The following TOP2A variants were observed in gnomAD, a reference collection of about 807,000 sequenced individuals.
The protein encoded by TOP2A is DNA topoisomerase II alpha.
In TOP2A, 68 loss-of-function variants were observed where a neutral mutation model predicts 187.2. That is an observed-to-expected ratio of 0.36 (90% CI 0.30 to 0.44). The LOEUF is 0.44. Ranked by LOEUF, TOP2A falls within the 20% of genes least tolerant of loss-of-function variation. The pLI is 1.00. For synonymous variants in TOP2A, 542 were observed against 593.2 expected, an observed-to-expected ratio of 0.91 and a Z score of 1.25; for missense variants, 1,196 against 1,808.7, an observed-to-expected ratio of 0.66 and a Z score of 6.14.
intron 24 of TOP2A, 189 bp from the exon 25 acceptor site, chr17:40,399,320 AGT>A (rs1483209229): frequency 6.2e-6 from 3 of 481,482 alleles, no homozygotes; most frequent in Non-Finnish European, 1.1e-5. Flanking sequence ...ACAAGGGGGC[AGT>A]CAAATCATAT....
Position 40,406,889 on chromosome 17 carries a change from G to A in TOP2A, c.1680C>T (p.Asn560=), listed in dbSNP as rs752965302. The part of the protein sequence containing the change: ...KGLLINFIHH[N]WPSLLRHRFL... ...AACGATGTCGCAGAAGAGAGGGCCA[G>A]TTGTGATGGATAAAATTAATCAGCA... is the stretch of plus-strand genomic sequence containing the variant. Residue 560 remains asparagine (N), a synonymous_variant, in exon 14 of 35, where the codon AAC becomes AAT. Transcript: ENST00000423485. The A allele has an allele frequency of 1.9e-6, 3 of 1,607,472 alleles. No homozygotes were observed. In the Admixed American group the frequency reaches 5.1e-5, roughly 27 times the overall value.
intron 33 of TOP2A, 48 bp from the exon 34 acceptor site, chr17:40,390,212 G>A: frequency 6.6e-7 from 1 of 1,516,174 alleles, no homozygotes; most frequent in Non-Finnish European, 8.9e-7. Context: ...TTTTTGAGAT[G>A]GGGTCTCACT....
At chr17:40,414,044 T>C (rs1598620113) in intron 4 of TOP2A, among the ~76,000 whole-genome samples, 1 of 151,916 alleles carries the variant, frequency 6.6e-6, no homozygotes, top group East Asian at 1.9e-4. Context: ...ATTCCTGAAA[T>C]AGGAGTCAAG....
Position 40,389,607 on chromosome 17 carries a change from T to A in TOP2A, c.4508A>T (p.Asp1503Val), listed in dbSNP as rs767915206. 1 of 1,608,756 alleles carries A rather than the reference T, an allele frequency of 6.2e-7. No individual in the cohort carries two copies. The highest frequency in any genetic ancestry group is 2.2e-5 in the East Asian group (1 of 44,826). ...GESDDFHMDF[D>V]SAVAPRAKSV... The stretch of plus-strand genomic sequence containing the variant: ...TTTTGCCCGAGGAGCCACAGCTGAG[T>A]CAAAGTCCATATGGAAGTCATCACT... Residue 1503 changes from aspartate to valine, a missense_variant, in exon 35 of 35, where the codon GAC (aspartate) becomes GTC (valine). Physicochemically the swap from Asp to Val is radical, Grantham distance 152. Around this residue, in one of 10 missense-constraint regions of TOP2A, gnomAD observed 374 missense variants for 403.3 expected, o/e 0.93. Transcript: ENST00000423485.
Position 40,389,638 on chromosome 17 carries a change from C to G in TOP2A, c.4477G>C (p.Gly1493Arg), listed in dbSNP as rs947190282. Residue 1493 changes from glycine to arginine, a missense_variant, in exon 35 of 35, where the codon GGG becomes CGG. Physicochemically the swap from Gly to Arg is moderately radical, Grantham distance 125. This residue lies in a region of TOP2A where 374 missense variants were observed against 403.3 expected (regional missense o/e 0.93). Coordinates refer to ENST00000423485, the MANE Select transcript of TOP2A (RefSeq NM_001067.4). The part of the protein sequence containing the change: ...SKAVTSKKSK[G>R]ESDDFHMDFD... ...TCCATATGGAAGTCATCACTCTCCC[C>G]CTTGGATTTCTAAAAGAGAAAAGCC... The G allele has an allele frequency of 6.2e-7, 1 of 1,608,882 alleles. No individual in the cohort carries two copies. The highest frequency in any genetic ancestry group is 8.5e-7 in the Non-Finnish European group (1 of 1,177,920).
In TOP2A at chr17:40,400,401, T is replaced by G; in HGVS notation, c.2808A>C (p.Lys936Asn). ...TCAACATGGGTTCTAGAACTTGTTC[T>G]TTGTATGTCTAAAGAAAGAAATAAT... is the stretch of plus-strand genomic sequence containing the variant. ...LPVRTWTQTY[K>N]EQVLEPMLNG... The change falls in exon 23 of 35, where the codon AAA becomes AAC. Residue 936 changes from lysine to asparagine, a missense_variant. Physicochemically the swap from Lys to Asn is moderately conservative, Grantham distance 94. Coordinates refer to ENST00000423485, the MANE Select transcript of TOP2A (RefSeq NM_001067.4). 1.2e-6 allele frequency: 2 copies of G among 1,613,360 alleles called. No homozygotes were observed. The highest frequency in any genetic ancestry group is 1.7e-6 in the Non-Finnish European group (2 of 1,179,760).
Position 40,406,867 on chromosome 17 carries a change from G to A in TOP2A, c.1702C>T (p.Arg568Cys), listed in dbSNP as rs771864534. 6.2e-7 allele frequency: 1 copy of A among 1,607,820 alleles called. No individual in the cohort carries two copies. Among genetic ancestry groups the A allele is most frequent in the Non-Finnish European group, 8.5e-7 (1 of 1,176,566 alleles). The change falls in exon 14 of 35, where the codon CGT (arginine) becomes TGT (cysteine). Residue 568 changes from arginine to cysteine, a missense_variant. This residue lies in a region of TOP2A where 209 missense variants were observed against 376.9 expected (regional missense o/e 0.55). Coordinates refer to ENST00000423485, the MANE Select transcript of TOP2A (RefSeq NM_001067.4). ...GGAGTGATAAATTCCTCCAGAAAAC[G>A]ATGTCGCAGAAGAGAGGGCCAGTTG... ...HHNWPSLLRH[R>C]FLEEFITPIV...
At chr17:40,391,378 G>A (rs2035020301) in intron 33 of TOP2A, 128 bp downstream of exon 33, 1 of 935,606 alleles carries the variant, frequency 1.1e-6, no homozygotes, top group South Asian at 1.9e-5. Flanking sequence ...AAAAGAAATT[G>A]CTTCCAATTG....
At chr17:40,399,204 G>C (rs1249271675) in intron 24 of TOP2A, 73 bp from the exon 25 acceptor site, 4 of 1,095,586 alleles carry the variant, frequency 3.7e-6, no homozygotes, top group Non-Finnish European at 5.3e-6. Flanking sequence ...TTTTACACAA[G>C]TCAAAAGTTT....
chr17:40,416,580 A>G lies in TOP2A; in HGVS notation c.178-68T>C, dbSNP rs1372650649. 1.1e-5 allele frequency: 16 copies of G among 1,445,642 alleles called. No homozygotes were observed. The Admixed American group carries it at 2.7e-4, about 24-fold the overall frequency. 89.6% of individuals were successfully genotyped at this position (1,445,642 alleles called of 1,614,324 possible). A position where few individuals can be genotyped will look rare whatever the true frequency, so the allele number is the denominator to read the frequency against. Reference sequence around the variant, plus strand: ...TCATTGTTCTGTTATCATGATTACCATAAAGTGTTCATATTAAGTATTACC... The same window carrying G: ...TCATTGTTCTGTTATCATGATTACCGTAAAGTGTTCATATTAAGTATTACC... On this transcript the variant is annotated intron_variant, in intron 2 of 34. Coordinates refer to ENST00000423485, the MANE Select transcript of TOP2A (RefSeq NM_001067.4).
rs1165042734 is a variant in TOP2A, at chr17:40,405,887, T to C, written c.1953+497A>G. On this transcript the variant is annotated intron_variant, in intron 16 of 34. Transcript: ENST00000423485. Reference sequence around the variant, plus strand: ...GTTCAAGCGATTCTCCTGCCTCAGCTTCCCAAGTAGCTGGGACTATAGCTG... The same window carrying C: ...GTTCAAGCGATTCTCCTGCCTCAGCCTCCCAAGTAGCTGGGACTATAGCTG... Among the ~76,000 whole-genome samples the C allele has an allele frequency of 2.0e-5, 3 of 151,914 alleles. No homozygotes were observed. In the East Asian group the frequency reaches 5.8e-4, roughly 29 times the overall value.
chr17:40,417,474 C>T, intron 1 of TOP2A: 2 of 1,255,354 alleles, frequency 1.6e-6, no homozygotes, highest in Non-Finnish European at 2.1e-6. Flanking sequence ...ACGCGCGACT[C>T]AATAACGTCG....
chr17:40,412,273 G>C (rs1420578649), intron 7 of TOP2A, among the ~76,000 whole-genome samples: 1 of 152,154 alleles, frequency 6.6e-6, no homozygotes, highest in Non-Finnish European at 1.5e-5. Context: ...AATTCCTTCG[G>C]TAAGTTTAAA....
chr17:40,389,870 T>C, intron 34 of TOP2A, 95 bp downstream of exon 34: 1 of 1,355,840 alleles, frequency 7.4e-7, no homozygotes, highest in Non-Finnish European at 9.9e-7. Flanking sequence ...TGAGAGTTAA[T>C]TTTCTTAAAG....
rs989557046 is a variant in TOP2A, at chr17:40,389,106, G to A, written c.*413C>T. 4 of 226,048 alleles carry A rather than the reference G, an allele frequency of 1.8e-5. No individual in the cohort carries two copies. Among genetic ancestry groups the A allele is most frequent in the Non-Finnish European group, 3.5e-5 (4 of 112,860 alleles). The allele number at this position is 226,048 out of a possible 1,614,324, so 14.0% of individuals were successfully genotyped here. On this transcript the variant is annotated 3_prime_UTR_variant, in exon 35 of 35. Transcript: ENST00000423485. ...AAACTAAGATAAAACAGATAATTAT[G>A]CTCTATCTCATATCTACTGAAAGTA...
At chr17:40,404,990 C>CAT in intron 16 of TOP2A, 107 bp from the exon 17 acceptor site, 2 of 544,176 alleles carry the variant, frequency 3.7e-6, no homozygotes, top group Non-Finnish European at 6.2e-6. Flanking sequence ...TACTGTTTTC[C>CAT]TTTTTTTTTT....
intron 1 of TOP2A, 80 bp downstream of exon 1, chr17:40,417,691 A>T (rs2035409763): frequency 6.2e-7 from 1 of 1,601,832 alleles, no homozygotes; most frequent in African/African-American, 1.3e-5. Context: ...GCAGCCCCAG[A>T]GCTTCACCCG....
At position 40,392,602 on chromosome 17, in the gene TOP2A, T is replaced by G; in HGVS notation, c.3947A>C (p.Glu1316Ala). The change falls in exon 30 of 35, where the codon GAG becomes GCG. Residue 1316 changes from glutamate (E) to alanine (A), a missense_variant. Coordinates refer to ENST00000423485, the MANE Select transcript of TOP2A (RefSeq NM_001067.4). ...TTCCTTACTTGCTGCTCTCCGTGGC[T>G]CTGTTTCTCGTGGAGGGACATCAAA... is the stretch of plus-strand genomic sequence containing the variant. Reference protein sequence around the residue: ...SNFDVPPRETEPRRAATKTKF... With the variant: ...SNFDVPPRETAPRRAATKTKF... 1 of 1,612,336 alleles carries G rather than the reference T, an allele frequency of 6.2e-7. No homozygotes were observed. The highest frequency in any genetic ancestry group is 8.5e-7 in the Non-Finnish European group (1 of 1,179,468).
At chr17:40,410,631 A>G (rs1479999563) in intron 10 of TOP2A, 1 of 456,430 alleles carries the variant, frequency 2.2e-6, no homozygotes, top group African/African-American at 2.0e-5. Flanking sequence ...CCAAGAGATG[A>G]TTCTTATTGA....
Sources: allele counts gnomAD v4.1 joint callset (sites outside exome capture counted in the v4.1 genomes callset), GRCh38; gene constraint gnomAD v4.1.1; regional missense constraint gnomAD v4.1.1; transcripts MANE v1.5; gene names NCBI Gene and HGNC (gene_info 2026-07-23, HGNC 2026-07-21).